The following XKR4 variants were observed in gnomAD, a reference collection of about 807,000 sequenced individuals.
XKR4 encodes XK-related protein 4.
Under a neutral mutation model 53.9 loss-of-function variants are expected in XKR4, and 12 were observed. That is an observed-to-expected ratio of 0.22 (90% CI 0.14 to 0.36). XKR4 has a LOEUF of 0.36. XKR4 is among the 10% of genes least tolerant of loss of function. The pLI is 1.00. For synonymous variants in XKR4, 354 were observed against 362.4 expected (o/e 0.98, Z 0.26); for missense variants, 799 against 859.5 (o/e 0.93, Z 0.88).
intron 2 of XKR4, among the ~76,000 whole-genome samples, chr8:55,510,716 A>G (rs1305379553): frequency 1.3e-5 from 2 of 152,202 alleles, no homozygotes. Context: ...GGTGATCTTC[A>G]TCATATTATT....
chr8:55,334,624 A>G (rs1188421877), intron 1 of XKR4, among the ~76,000 whole-genome samples: 4 of 152,200 alleles, frequency 2.6e-5, no homozygotes, highest in East Asian at 1.9e-4. Flanking sequence ...TCATGCCGTC[A>G]TAAAGACCAA....
At chr8:55,173,098 A>G (rs112997904) in intron 1 of XKR4, among the ~76,000 whole-genome samples, 1 of 152,152 alleles carries the variant, frequency 6.6e-6, no homozygotes, top group African/African-American at 2.4e-5. Context: ...GGAGCATAGA[A>G]TTACTGCAAA....
At chr8:55,289,657 G>GGAAGGAAAA (rs71256527) in intron 1 of XKR4, among the ~76,000 whole-genome samples, 1 of 83,240 alleles carries the variant, frequency 1.2e-5, no homozygotes, top group African/African-American at 4.2e-5. Context: ...AAGGAAGGAA[G>GGAAGGAAAA]GAAAAGAAAA....
intron 1 of XKR4, among the ~76,000 whole-genome samples, chr8:55,168,513 G>T (rs1255845661): frequency 6.6e-6 from 1 of 152,092 alleles, no homozygotes; most frequent in African/African-American, 2.4e-5. Context: ...TGAGTATCGG[G>T]TAAGTCACTC....
chr8:55,154,140 T>TA (rs1281993374), intron 1 of XKR4, among the ~76,000 whole-genome samples: 2 of 152,202 alleles, frequency 1.3e-5, no homozygotes, highest in Non-Finnish European at 2.9e-5. Flanking sequence ...GGAAGATTAG[T>TA]AGCATTTCTG....
chr8:55,104,276 A>G lies in XKR4; in HGVS notation c.806+982A>G, dbSNP rs558258650. Among the ~76,000 whole-genome samples, 4 of 49,960 alleles carry G rather than the reference A, an allele frequency of 8.0e-5. No individual in the cohort carries two copies. In the East Asian group the frequency reaches 6.1e-3, roughly 76 times the overall value. The allele number at this position is 49,960 out of a possible 152,430, so 32.8% of individuals were successfully genotyped here. On this transcript the variant is annotated intron_variant, in intron 1 of 2. Coordinates refer to ENST00000327381, the MANE Select transcript of XKR4 (RefSeq NM_052898.2). Reference sequence around the variant, plus strand: ...GATTTCGAAGCAATATTTTACATCTATAAAAATTACTTATATGGAAGTCTA... The same window carrying G: ...GATTTCGAAGCAATATTTTACATCTGTAAAAATTACTTATATGGAAGTCTA...
chr8:55,513,292 G>T (rs180844921), intron 2 of XKR4, among the ~76,000 whole-genome samples: 2 of 152,306 alleles, frequency 1.3e-5, no homozygotes, highest in African/African-American at 2.4e-5. Flanking sequence ...TATTAGTGAT[G>T]CTTGCGGATG....
intron 2 of XKR4, chr8:55,453,026 C>A: frequency 1.6e-6 from 1 of 633,592 alleles, no homozygotes; most frequent in South Asian, 1.4e-5. Flanking sequence ...AGTGCTCTCT[C>A]ATCCTCCTGG....
chr8:55,323,279 C>G (rs1334395886), intron 1 of XKR4, among the ~76,000 whole-genome samples: 1 of 152,222 alleles, frequency 6.6e-6, no homozygotes, highest in African/African-American at 2.4e-5. Context: ...GCCCTATACT[C>G]ATCATTGCAA....
rs188480392 is a variant in XKR4, at chr8:55,339,042, G to A, written c.807-18636G>A. On this transcript the variant is annotated intron_variant, in intron 1 of 2. Coordinates refer to ENST00000327381, the MANE Select transcript of XKR4 (RefSeq NM_052898.2). Reference sequence around the variant, plus strand: ...TGTTCAGAATGAAATAGTATATCAAGTTCAACTGCATATTGAGGGAACTAG... The same window carrying A: ...TGTTCAGAATGAAATAGTATATCAAATTCAACTGCATATTGAGGGAACTAG... Among the ~76,000 whole-genome samples, 273 of 152,300 alleles carry A rather than the reference G, an allele frequency of 1.8e-3. 1 individual carries two copies. Among genetic ancestry groups the A allele is most frequent in the African/African-American group, 6.2e-3 (257 of 41,562 alleles).
chr8:55,335,800 G>T (rs181228556), intron 1 of XKR4, among the ~76,000 whole-genome samples: 1 of 149,734 alleles, frequency 6.7e-6, no homozygotes, highest in Non-Finnish European at 1.5e-5. Context: ...ACATTATGCC[G>T]AATGAAAAAA....
chr8:55,127,894 T>C (rs1274497178), intron 1 of XKR4, among the ~76,000 whole-genome samples: 1 of 152,140 alleles, frequency 6.6e-6, no homozygotes, highest in Non-Finnish European at 1.5e-5. Context: ...ACCATGTTCC[T>C]ACAAAGGACA....
At chr8:55,421,326 T>A (rs574248761) in intron 2 of XKR4, among the ~76,000 whole-genome samples, 1 of 152,364 alleles carries the variant, frequency 6.6e-6, no homozygotes, top group African/African-American at 2.4e-5. Flanking sequence ...TGAAAACTTA[T>A]CTTTGAAGTT....
intron 1 of XKR4, among the ~76,000 whole-genome samples, chr8:55,126,854 A>G (rs1258757968): frequency 6.6e-6 from 1 of 152,230 alleles, no homozygotes; most frequent in Non-Finnish European, 1.5e-5. Flanking sequence ...AGTGACTTTG[A>G]TTTATGCAAT....
At chr8:55,372,251 A>T (rs1804078740) in intron 2 of XKR4, among the ~76,000 whole-genome samples, 1 of 152,170 alleles carries the variant, frequency 6.6e-6, no homozygotes, top group Admixed American at 6.5e-5. Context: ...TGGTGTCTTC[A>T]TTTGCCAACC....
intron 2 of XKR4, among the ~76,000 whole-genome samples, chr8:55,500,570 T>C (rs1806422583): frequency 6.6e-6 from 1 of 152,172 alleles, no homozygotes; most frequent in Non-Finnish European, 1.5e-5. Flanking sequence ...TGGAAATTAC[T>C]AAACCACCCT....
intron 2 of XKR4, among the ~76,000 whole-genome samples, chr8:55,362,189 G>T (rs772473305): frequency 8.5e-5 from 13 of 152,186 alleles, no homozygotes; most frequent in Non-Finnish European, 1.6e-4. Flanking sequence ...TTATGGAAAA[G>T]CAAATTCTCA....
At chr8:55,482,016 T>C (rs1806116729) in intron 2 of XKR4, among the ~76,000 whole-genome samples, 2 of 152,168 alleles carry the variant, frequency 1.3e-5, no homozygotes, top group Admixed American at 6.5e-5. Flanking sequence ...GAAGTAGAAA[T>C]ACCATTTGAC....
At chr8:55,149,864 G>A (rs1252444453) in intron 1 of XKR4, among the ~76,000 whole-genome samples, 3 of 152,192 alleles carry the variant, frequency 2.0e-5, no homozygotes, top group African/African-American at 4.8e-5. Context: ...AAAAATCATA[G>A]TGAGGGCCTT....
Sources: gnomAD v4.1 joint callset for allele counts (sites outside exome capture counted in the v4.1 genomes callset) on GRCh38, gnomAD v4.1.1 for gene constraint, MANE v1.5 for transcripts, NCBI Gene and HGNC (gene_info 2026-07-23, HGNC 2026-07-21) for gene names.